NUCKS1: variants seen among roughly 807,000 people sequenced by gnomAD.
The protein encoded by NUCKS1 is nuclear casein kinase and cyclin dependent kinase substrate 1.
NUCKS1 carries 2 observed loss-of-function variants against 33.0 expected under a neutral mutation model. The ratio of observed to expected loss-of-function variants is 0.06; its 90% confidence interval spans 0.02 to 0.19. NUCKS1 has a LOEUF of 0.19. NUCKS1 is among the 10% of genes least tolerant of loss of function. The pLI is 1.00. For synonymous variants in NUCKS1, 106 were observed against 102.8 expected (o/e 1.03, Z -0.19); for missense variants, 201 against 293.6 (o/e 0.68, Z 2.31).
Position 205,750,053 on chromosome 1 carries a change from C to CCCCCCCCCCCCA in NUCKS1, c.-81_-80insTGGGGGGGGGGG, listed in dbSNP as rs1293511558. ...CCCCGCGCGCTCGGCGCCCCACCCC[C>CCCCCCCCCCCCA]CCCGAACTTCAGCCGATGGGACCGC... On this transcript the variant is annotated 5_prime_UTR_variant, in exon 1 of 7. Transcript: ENST00000367142. The CCCCCCCCCCCCA allele has an allele frequency of 7.8e-7, 1 of 1,282,384 alleles. No individual in the cohort carries two copies. Among genetic ancestry groups the CCCCCCCCCCCCA allele is most frequent in the Non-Finnish European group, 1.0e-6 (1 of 963,562 alleles). 79.4% of individuals were successfully genotyped at this position (1,282,384 alleles called of 1,614,324 possible). A position where few individuals can be genotyped will look rare whatever the true frequency, so the allele number is the denominator to read the frequency against.
chr1:205,718,601 A>C, intron 6 of NUCKS1, 122 bp from the exon 7 acceptor site: 1 of 1,404,280 alleles, frequency 7.1e-7, no homozygotes, highest in Non-Finnish European at 9.6e-7. Context: ...ACTTACTAAA[A>C]ACCAAGGTGG....
At chr1:205,738,798 C>T (rs78474729) in intron 1 of NUCKS1, among the ~76,000 whole-genome samples, 1,814 of 152,234 alleles carry the variant, frequency 0.012, 33 homozygotes, top group African/African-American at 0.042. Context: ...GTCCCAGCCA[C>T]TCCAGGGGCT....
At chr1:205,734,184 C>T (rs769332567) in intron 1 of NUCKS1, among the ~76,000 whole-genome samples, 28 of 152,060 alleles carry the variant, frequency 1.8e-4, no homozygotes, top group Non-Finnish European at 4.0e-4. Context: ...TGGCCTGTAA[C>T]TTGTTACTTT....
At chr1:205,744,876 C>T (rs576914303) in intron 1 of NUCKS1, among the ~76,000 whole-genome samples, 1 of 152,096 alleles carries the variant, frequency 6.6e-6, no homozygotes, top group Admixed American at 6.6e-5. Flanking sequence ...AGGTGATCTG[C>T]CCGCCTCAGC....
intron 1 of NUCKS1, among the ~76,000 whole-genome samples, chr1:205,748,047 A>C (rs56382128): frequency 0.063 from 9,633 of 152,050 alleles, 358 homozygotes; most frequent in Middle Eastern, 0.099. Context: ...CAATTAGGGG[A>C]AATAAACAAG....
rs1451130673 is a variant in NUCKS1, at chr1:205,717,814, G to T, written c.*466C>A. The T allele has an allele frequency of 2.0e-6, 2 of 985,370 alleles. No individual in the cohort carries two copies. Among genetic ancestry groups the T allele is most frequent in the Non-Finnish European group, 2.4e-6 (2 of 829,888 alleles). The allele number at this position is 985,370 out of a possible 1,614,324, so 61.0% of individuals were successfully genotyped here. Reference sequence around the variant, plus strand: ...TTGATTTTTTAAAAGTCCAGGTAGAGAAAGGAGCAATCATTTTGAACTAAA... The same window carrying T: ...TTGATTTTTTAAAAGTCCAGGTAGATAAAGGAGCAATCATTTTGAACTAAA... On this transcript the variant is annotated 3_prime_UTR_variant, in exon 7 of 7. Coordinates refer to ENST00000367142, the MANE Select transcript of NUCKS1 (RefSeq NM_022731.5).
At chr1:205,737,523 G>A (rs1390359131) in intron 1 of NUCKS1, among the ~76,000 whole-genome samples, 8 of 152,174 alleles carry the variant, frequency 5.3e-5, no homozygotes, top group Admixed American at 5.2e-4. Context: ...TCCGGGTAAG[G>A]CTGCTCAGGC....
At chr1:205,728,822 T>C (rs1036663381) in intron 2 of NUCKS1, among the ~76,000 whole-genome samples, 1 of 152,238 alleles carries the variant, frequency 6.6e-6, no homozygotes, top group Non-Finnish European at 1.5e-5. Flanking sequence ...TAAATATAAG[T>C]TGTTTCACAA....
At chr1:205,724,295 C>T (rs1302540399) in intron 3 of NUCKS1, among the ~76,000 whole-genome samples, 1 of 152,020 alleles carries the variant, frequency 6.6e-6, no homozygotes, top group Non-Finnish European at 1.5e-5. Context: ...AAAATATTCT[C>T]GAACAGAGGC....
rs901354799 is a variant in NUCKS1, at chr1:205,741,396, A to G, written c.17+8561T>C. 2.0e-5 allele frequency among the ~76,000 whole-genome samples: 3 copies of G among 152,066 alleles called. No individual in the cohort carries two copies. In the East Asian group the frequency reaches 5.8e-4, roughly 29 times the overall value. On this transcript the variant is annotated intron_variant, in intron 1 of 6. Coordinates refer to ENST00000367142, the MANE Select transcript of NUCKS1 (RefSeq NM_022731.5). The stretch of plus-strand genomic sequence containing the variant: ...AAGTATTTGATAAATAAAGTCAGCT[A>G]GGTTAGATTTTTCCCAGTGGAAGTT...
At chr1:205,732,567 G>C (rs1348798937) in intron 1 of NUCKS1, among the ~76,000 whole-genome samples, 1 of 152,104 alleles carries the variant, frequency 6.6e-6, no homozygotes, top group Non-Finnish European at 1.5e-5. Flanking sequence ...CGGATCATGA[G>C]GTCAAAAGAT....
chr1:205,718,620 G>A, intron 6 of NUCKS1, 141 bp from the exon 7 acceptor site: 3 of 1,136,780 alleles, frequency 2.6e-6, no homozygotes, highest in Non-Finnish European at 3.7e-6. Flanking sequence ...GGGCACAAGG[G>A]AGCACATATA....
intron 1 of NUCKS1, among the ~76,000 whole-genome samples, chr1:205,730,308 A>G (rs1313340988): frequency 6.6e-6 from 1 of 151,928 alleles, no homozygotes; most frequent in Non-Finnish European, 1.5e-5. Context: ...CAGCCTCCCG[A>G]AGTGCTGGGA....
chr1:205,748,670 A>T (rs1654391871), intron 1 of NUCKS1, among the ~76,000 whole-genome samples: 1 of 152,194 alleles, frequency 6.6e-6, no homozygotes, highest in Admixed American at 6.5e-5. Context: ...TTGGAGGATG[A>T]TCTAGTCTGG....
intron 1 of NUCKS1, among the ~76,000 whole-genome samples, chr1:205,732,827 T>C (rs1653948583): frequency 6.6e-6 from 1 of 150,882 alleles, no homozygotes; most frequent in South Asian, 2.1e-4. Flanking sequence ...CTAAGCATAT[T>C]TTATTACAAT....
chr1:205,720,537 C>CTGA lies in NUCKS1; in HGVS notation c.345_346insTCA (p.Glu115_Glu116insSer). The CTGA allele has an allele frequency of 6.2e-7, 1 of 1,614,128 alleles. No individual in the cohort carries two copies. Among genetic ancestry groups the CTGA allele is most frequent in the Non-Finnish European group, 8.5e-7 (1 of 1,180,006 alleles). The stretch of plus-strand genomic sequence containing the variant: ...GGTGCCTCATCCTCCTCTTCTTGTT[C>CTGA]TTCCTCACTGCCCACATCTTCCATG... On this transcript the variant is annotated inframe_insertion, in exon 5 of 7. Transcript: ENST00000367142.
At chr1:205,743,446 C>T (rs566016211) in intron 1 of NUCKS1, among the ~76,000 whole-genome samples, 2 of 152,334 alleles carry the variant, frequency 1.3e-5, no homozygotes, top group Admixed American at 1.3e-4. Context: ...CACTAATCGA[C>T]TTAAAACACT....
intron 1 of NUCKS1, among the ~76,000 whole-genome samples, chr1:205,736,819 A>G (rs1654045887): frequency 6.6e-6 from 1 of 151,772 alleles, no homozygotes; most frequent in Admixed American, 6.6e-5. Context: ...TGACAGAGCA[A>G]AACTCCTTCT....
chr1:205,733,838 C>T (rs908081438), intron 1 of NUCKS1, among the ~76,000 whole-genome samples: 1 of 152,034 alleles, frequency 6.6e-6, no homozygotes, highest in Non-Finnish European at 1.5e-5. Flanking sequence ...TCTATCTAGA[C>T]AGACCTACCT....
Sources: gnomAD v4.1 joint callset for allele counts (sites outside exome capture counted in the v4.1 genomes callset) on GRCh38, gnomAD v4.1.1 for gene constraint, MANE v1.5 for transcripts, NCBI Gene and HGNC (gene_info 2026-07-23, HGNC 2026-07-21) for gene names.